Variants in PTCHD4 observed in about 807,000 individuals in gnomAD.
PTCHD4 encodes the protein patched domain-containing protein 4.
In PTCHD4, 33 loss-of-function variants were observed where a neutral mutation model predicts 58.1. The observed-to-expected ratio is 0.57, with a 90% CI of 0.43 to 0.76. The LOEUF is 0.76. Ranked by LOEUF, PTCHD4 falls within the 30% of genes least tolerant of loss-of-function variation. The pLI is 0.00. For missense variants in PTCHD4, 1,058 were observed against 1,027.1 expected, an observed-to-expected ratio of 1.03 and a Z score of -0.41; for synonymous variants, 478 against 409.6, an observed-to-expected ratio of 1.17 and a Z score of -2.02.
chr6:47,883,561 C>A (rs1267777382), intron 4 of PTCHD4, among the ~76,000 whole-genome samples: 2 of 152,072 alleles, frequency 1.3e-5, no homozygotes, highest in Non-Finnish European at 2.9e-5. Flanking sequence ...TTTAAAATAA[C>A]TTTAATTAAT....
chr6:48,027,021 T>C (rs545317998), intron 3 of PTCHD4, among the ~76,000 whole-genome samples: 4 of 152,108 alleles, frequency 2.6e-5, no homozygotes, highest in Non-Finnish European at 5.9e-5. Context: ...ATTACTGTGT[T>C]CTACTGAGTC....
At chr6:47,996,058 G>T (rs1768474201) in intron 4 of PTCHD4, among the ~76,000 whole-genome samples, 1 of 152,274 alleles carries the variant, frequency 6.6e-6, no homozygotes, top group East Asian at 1.9e-4. Context: ...GGGGTTTGTT[G>T]TAAGATTATT....
intron 1 of PTCHD4, among the ~76,000 whole-genome samples, chr6:48,097,970 C>T (rs191212907): frequency 1.8e-4 from 27 of 152,248 alleles, no homozygotes; most frequent in African/African-American, 5.3e-4. Flanking sequence ...GAGACTAGGT[C>T]GCTTCCATCA....
In PTCHD4 at chr6:48,065,642, C is replaced by A. The variant is rs896087568; in HGVS notation, c.417+2588G>T. On this transcript the variant is annotated intron_variant, in intron 3 of 4. Coordinates refer to ENST00000339488, the MANE Select transcript of PTCHD4 (RefSeq NM_001384253.1). ...AGCCTTTGACAAGATTCTAGGCATCCATGGTACTCCTAAGATTATATTTTA... is the reference window on the plus strand; with the variant it reads ...AGCCTTTGACAAGATTCTAGGCATCAATGGTACTCCTAAGATTATATTTTA... Among the ~76,000 whole-genome samples, 8 of 152,150 alleles carry A rather than the reference C, an allele frequency of 5.3e-5. No homozygotes were observed. The East Asian group carries it at 1.5e-3, about 29-fold the overall frequency.
rs1323871574 is a variant in PTCHD4 at position 47,860,566 on chromosome 6, C to G, written c.*17737G>C. Among the ~76,000 whole-genome samples, 2 of 151,966 alleles carry G rather than the reference C, an allele frequency of 1.3e-5. No homozygotes were observed. Among genetic ancestry groups the G allele is most frequent in the Non-Finnish European group, 2.9e-5 (2 of 67,942 alleles). On this transcript the variant is annotated 3_prime_UTR_variant, in exon 5 of 5. Transcript: ENST00000339488. ...AAATGTAATCCCTCATCCATGCAGC[C>G]TTCTTTCTTTCTTTACATTAGCACT...
chr6:48,051,347 T>TACTTCATAATTTTCATACTTCATAA (rs1764227716), intron 3 of PTCHD4, among the ~76,000 whole-genome samples: 4 of 152,044 alleles, frequency 2.6e-5, no homozygotes, highest in Non-Finnish European at 5.9e-5. Context: ...ATCTTAGCTA[T>TACTTCATAATTTTCATACTTCATAA]AGTTACTTCA....
At chr6:47,925,704 C>A (rs1355099854) in intron 4 of PTCHD4, among the ~76,000 whole-genome samples, 1 of 152,182 alleles carries the variant, frequency 6.6e-6, no homozygotes, top group Non-Finnish European at 1.5e-5. Context: ...TGTTGGCTTG[C>A]TTTTAGTTAT....
chr6:48,053,472 T>A (rs2114174841), intron 3 of PTCHD4, among the ~76,000 whole-genome samples: 1 of 151,668 alleles, frequency 6.6e-6, no homozygotes, highest in Admixed American at 6.6e-5. Context: ...GGAATTTAGT[T>A]TATCTTGATG....
intron 3 of PTCHD4, among the ~76,000 whole-genome samples, chr6:48,021,069 G>A (rs186826081): frequency 6.7e-4 from 102 of 151,884 alleles, no homozygotes; most frequent in African/African-American, 2.4e-3. Context: ...TAGGATTATA[G>A]GTCATTTCCG....
chr6:47,885,912 G>A (rs945251807), intron 4 of PTCHD4, among the ~76,000 whole-genome samples: 11 of 151,818 alleles, frequency 7.2e-5, no homozygotes, highest in East Asian at 2.0e-4. Context: ...TCTGCCTCCC[G>A]GGTTCAAGTA....
Position 47,878,131 on chromosome 6 carries a change from A to G in PTCHD4, c.*172T>C. On this transcript the variant is annotated 3_prime_UTR_variant, in exon 5 of 5. Coordinates refer to ENST00000339488, the MANE Select transcript of PTCHD4 (RefSeq NM_001384253.1). ...GCAAATAACTTTTTCCTCTTTTTTT[A>G]TTCCCTCTTCCCCCCAAGAAGCAGG... 1.9e-6 allele frequency: 1 copy of G among 533,274 alleles called. No homozygotes were observed. The highest frequency in any genetic ancestry group is 2.9e-5 in the East Asian group (1 of 34,124). The allele number at this position is 533,274 out of a possible 1,614,324, so 33.0% of individuals were successfully genotyped here.
intron 4 of PTCHD4, among the ~76,000 whole-genome samples, chr6:47,909,724 G>A (rs1218058336): frequency 2.6e-5 from 4 of 152,066 alleles, no homozygotes; most frequent in Admixed American, 6.6e-5. Flanking sequence ...TTGCAGGTAT[G>A]AGCCACCATG....
chr6:47,979,626 GCAAA>G (rs1767807833), intron 4 of PTCHD4, among the ~76,000 whole-genome samples: 1 of 151,908 alleles, frequency 6.6e-6, no homozygotes, highest in African/African-American at 2.4e-5. Context: ...TTATTAGCAA[GCAAA>G]CAAATCATGT....
intron 4 of PTCHD4, among the ~76,000 whole-genome samples, chr6:48,005,398 A>G (rs1045317021): frequency 3.3e-5 from 5 of 152,220 alleles, no homozygotes; most frequent in Non-Finnish European, 7.3e-5. Flanking sequence ...GGTTTACTAG[A>G]AGAGTTGGGC....
intron 4 of PTCHD4, among the ~76,000 whole-genome samples, chr6:47,948,868 T>A (rs975086896): frequency 2.6e-5 from 4 of 152,150 alleles, no homozygotes; most frequent in African/African-American, 7.2e-5. Flanking sequence ...CACTGTCCCC[T>A]CCTTACCCTC....
intron 4 of PTCHD4, among the ~76,000 whole-genome samples, chr6:47,891,589 C>A (rs2114126431): frequency 6.6e-6 from 1 of 152,228 alleles, no homozygotes; most frequent in African/African-American, 2.4e-5. Context: ...ATAATAATTA[C>A]TAAGATAACT....
chr6:47,962,522 G>C (rs1232124733), intron 4 of PTCHD4, among the ~76,000 whole-genome samples: 1 of 152,088 alleles, frequency 6.6e-6, no homozygotes, highest in East Asian at 1.9e-4. Context: ...TGCTGCTCTT[G>C]TGATAGTGAG....
At chr6:48,063,619 A>C (rs1015420010) in intron 3 of PTCHD4, among the ~76,000 whole-genome samples, 4 of 152,190 alleles carry the variant, frequency 2.6e-5, no homozygotes, top group African/African-American at 7.2e-5. Flanking sequence ...TCTTTCTTAT[A>C]AAAATGGGAA....
At chr6:47,991,890 A>AT (rs1214969545) in intron 4 of PTCHD4, among the ~76,000 whole-genome samples, 1 of 152,124 alleles carries the variant, frequency 6.6e-6, no homozygotes, top group Admixed American at 6.5e-5. Context: ...AAGATGGTTA[A>AT]TAAAAAAAGA....
Sources: gnomAD v4.1 joint callset for allele counts (sites outside exome capture counted in the v4.1 genomes callset) on GRCh38, gnomAD v4.1.1 for gene constraint, MANE v1.5 for transcripts, NCBI Gene and HGNC (gene_info 2026-07-23, HGNC 2026-07-21) for gene names.